The following TMEM117 variants were observed in gnomAD, a reference collection of about 807,000 sequenced individuals.
TMEM117 encodes transmembrane protein 117.
A neutral mutation model predicts 52.4 loss-of-function variants in TMEM117; 27 were observed. That is an observed-to-expected ratio of 0.51 (90% confidence interval 0.38 to 0.71). The LOEUF (loss-of-function observed/expected upper bound fraction) is 0.71. Among genes scored for constraint, TMEM117 ranks in the 30% least tolerant of loss-of-function variants. The pLI, the probability that TMEM117 is intolerant of heterozygous loss-of-function variation, is 0.00. For synonymous variants in TMEM117, 215 were observed against 206.3 expected, an observed-to-expected ratio of 1.04 and a Z score of -0.36; for missense variants, 556 against 630.5, an observed-to-expected ratio of 0.88 and a Z score of 1.26.
chr12:43,849,836 A>G (rs565770800), intron 2 of TMEM117, among the ~76,000 whole-genome samples: 20 of 152,220 alleles, frequency 1.3e-4, no homozygotes, highest in Middle Eastern at 6.8e-3. Flanking sequence ...TCATTCTCTG[A>G]TCCAATTTCC....
rs17094563 is a variant in TMEM117 at position 44,376,559 on chromosome 12, G to A, written c.769-36G>A. ...GTGTTTTGCTGCTTAGGAATGAAAC[G>A]AATCACAAATGTTTTTATTTGATTT... is the stretch of plus-strand genomic sequence containing the variant. On this transcript the variant is annotated intron_variant, in intron 6 of 7. Coordinates refer to ENST00000266534, the MANE Select transcript of TMEM117 (RefSeq NM_032256.3). 7,339 of 1,578,712 alleles carry A rather than the reference G, an allele frequency of 4.6e-3. 276 individuals are homozygous for A. The African/African-American group carries it at 0.085, about 18-fold the overall frequency.
intron 6 of TMEM117, among the ~76,000 whole-genome samples, chr12:44,310,454 C>T (rs1248035309): frequency 1.3e-5 from 2 of 152,106 alleles, no homozygotes; most frequent in Non-Finnish European, 2.9e-5. Flanking sequence ...GCCTGATCAA[C>T]ATGGAGAAAC....
intron 2 of TMEM117, among the ~76,000 whole-genome samples, chr12:43,935,382 A>T (rs555425295): frequency 2.3e-4 from 35 of 152,304 alleles, no homozygotes; most frequent in African/African-American, 8.2e-4. Flanking sequence ...ATTTCATTTT[A>T]TCTTTTATTC....
chr12:44,209,708 T>C (rs949871570), intron 4 of TMEM117, among the ~76,000 whole-genome samples: 3 of 152,122 alleles, frequency 2.0e-5, no homozygotes, highest in Non-Finnish European at 1.5e-5. Flanking sequence ...TTGGTTTTCA[T>C]CAACCAAGAG....
chr12:44,387,878 C>T (rs529591424), intron 7 of TMEM117, 148 bp from the exon 8 acceptor site: 2 of 763,094 alleles, frequency 2.6e-6, no homozygotes, highest in South Asian at 3.9e-5. Flanking sequence ...CACTTAATGG[C>T]AGCACAGCAC....
At chr12:44,313,302 G>C (rs1177893676) in intron 6 of TMEM117, among the ~76,000 whole-genome samples, 1 of 152,052 alleles carries the variant, frequency 6.6e-6, no homozygotes, top group African/African-American at 2.4e-5. Flanking sequence ...GAAAAGTAGG[G>C]GGACAGTTTC....
At chr12:44,162,415 G>C (rs1948910296) in intron 4 of TMEM117, among the ~76,000 whole-genome samples, 2 of 152,130 alleles carry the variant, frequency 1.3e-5, no homozygotes, top group Admixed American at 1.3e-4. Flanking sequence ...GTTGGACAAA[G>C]TAACTCATCT....
chr12:44,370,587 G>A (rs1003416670), intron 6 of TMEM117, among the ~76,000 whole-genome samples: 2 of 147,330 alleles, frequency 1.4e-5, no homozygotes, highest in Admixed American at 1.4e-4. Flanking sequence ...GTGCAATCTC[G>A]GCTGACTGCA....
chr12:43,900,562 A>G (rs1372137992), intron 2 of TMEM117, among the ~76,000 whole-genome samples: 1 of 152,042 alleles, frequency 6.6e-6, no homozygotes, highest in Admixed American at 6.6e-5. Flanking sequence ...TACTAAAAAT[A>G]CAAAAATTGG....
intron 2 of TMEM117, among the ~76,000 whole-genome samples, chr12:43,906,790 G>C (rs1592351133): frequency 6.6e-6 from 1 of 152,244 alleles, no homozygotes; most frequent in Non-Finnish European, 1.5e-5. Context: ...TTTCCGACAG[G>C]CTTAAAAAAC....
chr12:44,036,025 A>G (rs974667677), intron 3 of TMEM117, among the ~76,000 whole-genome samples: 2 of 152,096 alleles, frequency 1.3e-5, no homozygotes, highest in African/African-American at 4.8e-5. Context: ...GTTCTCTGAT[A>G]TTTAGCTCTG....
At chr12:43,885,300 A>G (rs1943971688) in intron 2 of TMEM117, among the ~76,000 whole-genome samples, 1 of 152,114 alleles carries the variant, frequency 6.6e-6, no homozygotes, top group Non-Finnish European at 1.5e-5. Context: ...GTGCCTGTGT[A>G]GGCTTGTTGT....
intron 5 of TMEM117, among the ~76,000 whole-genome samples, chr12:44,216,744 T>A (rs1224663358): frequency 6.6e-6 from 1 of 152,170 alleles, no homozygotes; most frequent in Non-Finnish European, 1.5e-5. Context: ...GAAAGCAAAA[T>A]GTTCATAGTG....
At chr12:44,362,978 G>A (rs974785878) in intron 6 of TMEM117, among the ~76,000 whole-genome samples, 3 of 151,800 alleles carry the variant, frequency 2.0e-5, no homozygotes, top group Non-Finnish European at 4.4e-5. Flanking sequence ...TCAGCCTCCC[G>A]AGTAGCTGGA....
intron 5 of TMEM117, among the ~76,000 whole-genome samples, chr12:44,230,928 A>G (rs1949924342): frequency 6.6e-6 from 1 of 151,952 alleles, no homozygotes; most frequent in Non-Finnish European, 1.5e-5. Context: ...TTCTTTTTAA[A>G]AATTGTGAAA....
At chr12:43,873,713 C>T (rs901247017) in intron 2 of TMEM117, among the ~76,000 whole-genome samples, 8 of 151,092 alleles carry the variant, frequency 5.3e-5, no homozygotes, top group Non-Finnish European at 8.9e-5. Flanking sequence ...TTAATTTTTT[C>T]GTTTTATTTT....
At chr12:43,918,566 T>G (rs1487293350) in intron 2 of TMEM117, among the ~76,000 whole-genome samples, 1 of 152,248 alleles carries the variant, frequency 6.6e-6, no homozygotes, top group Non-Finnish European at 1.5e-5. Context: ...CTTCTGATAT[T>G]ATTTTTCAAG....
intron 5 of TMEM117, among the ~76,000 whole-genome samples, chr12:44,231,058 A>T (rs901319999): frequency 6.6e-6 from 1 of 152,010 alleles, no homozygotes; most frequent in African/African-American, 2.4e-5. Context: ...ATAAAATGTC[A>T]TCAACATTCC....
chr12:43,797,202 C>G, the TMEM117 span: 1 of 1,482,212 alleles, frequency 6.7e-7, no homozygotes, highest in Non-Finnish European at 9.1e-7. Flanking sequence ...CTTCATAAAA[C>G]TACAGCTAAG....
Sources: gnomAD v4.1 joint callset for allele counts (sites outside exome capture counted in the v4.1 genomes callset) on GRCh38, gnomAD v4.1.1 for gene constraint, MANE v1.5 for transcripts, NCBI Gene and HGNC (gene_info 2026-07-23, HGNC 2026-07-21) for gene names.